Variants in SLC25A26 observed in about 807,000 individuals in gnomAD.
SLC25A26 encodes mitochondrial S-adenosylmethionine carrier protein.
Under a neutral mutation model 37.8 loss-of-function variants are expected in SLC25A26, and 36 were observed. The observed-to-expected ratio is 0.95, with a 90% CI of 0.73 to 1.26. The LOEUF is 1.26. Among genes scored for constraint, SLC25A26 ranks in the 50% most tolerant of loss-of-function variants. The pLI, the probability that SLC25A26 is intolerant of heterozygous loss-of-function variation, is 0.00. For missense variants in SLC25A26, 390 were observed against 331.1 expected (o/e 1.18, Z -1.38); for synonymous variants, 129 against 122.5 (o/e 1.05, Z -0.35).
chr3:66,239,822 T>TC (rs201887904), intron 2 of SLC25A26, among the ~76,000 whole-genome samples: 7 of 132,982 alleles, frequency 5.3e-5, no homozygotes, highest in Admixed American at 7.2e-5. Context: ...CTTTCTTTTT[T>TC]TTTTTTTTTT....
chr3:66,225,517 G>A (rs896436354), intron 1 of SLC25A26, among the ~76,000 whole-genome samples: 2 of 152,180 alleles, frequency 1.3e-5, no homozygotes, highest in African/African-American at 4.8e-5. Flanking sequence ...GGCCTCCAGA[G>A]CCTGTGATGG....
Position 66,236,571 on chromosome 3 carries a change from G to A in SLC25A26, c.61G>A (p.Asp21Asn), listed in dbSNP as rs1295765803. The A allele has an allele frequency of 6.8e-7, 1 of 1,459,980 alleles. No homozygotes were observed. The highest frequency in any genetic ancestry group is 2.0e-5 in the Admixed American group (1 of 49,138). The allele number at this position is 1,459,980 out of a possible 1,614,324, so 90.4% of individuals were successfully genotyped here. Residue 21 changes from aspartate (D) to asparagine (N), a missense_variant, in exon 2 of 10, where the codon GAC becomes AAC. Asp to Asn is a conservative substitution (Grantham distance 23). Transcript: ENST00000354883. ...TGGTGGGGTAGCAGGTGTTTCTGTTGACTTGATATTATTTCCTCTGGATAC... is the reference window on the plus strand; with the variant it reads ...TGGTGGGGTAGCAGGTGTTTCTGTTAACTTGATATTATTTCCTCTGGATAC... ...VAGGVAGVSV[D>N]LILFPLDTIK... is the part of the protein sequence containing the mutation.
intron 1 of SLC25A26, among the ~76,000 whole-genome samples, chr3:66,135,089 G>C (rs28685684): frequency 0.45 from 68,187 of 151,866 alleles, 16,092 homozygotes; most frequent in African/African-American, 0.59. Flanking sequence ...CTTTGGCCTC[G>C]CAAAGAGCTG....
intron 5 of SLC25A26, among the ~76,000 whole-genome samples, chr3:66,314,151 C>G (rs1318456907): frequency 1.3e-5 from 2 of 152,136 alleles, no homozygotes; most frequent in Admixed American, 6.5e-5. Context: ...ACTTCCAATA[C>G]TATGTTGAAT....
intron 3 of SLC25A26, among the ~76,000 whole-genome samples, chr3:66,246,174 T>G (rs190594413): frequency 2.8e-4 from 43 of 152,298 alleles, no homozygotes; most frequent in African/African-American, 9.4e-4. Context: ...TTAATTTAGG[T>G]GATTATGTCC....
At position 66,288,023 on chromosome 3, in the gene SLC25A26, G is replaced by A. The variant is rs117016080; in HGVS notation, c.453+24644G>A. Among the ~76,000 whole-genome samples, 462 of 152,248 alleles carry A rather than the reference G, an allele frequency of 3.0e-3. 3 individuals are homozygous for A. Among genetic ancestry groups the A allele is most frequent in the East Asian group, 0.017 (88 of 5,180 alleles). On this transcript the variant is annotated intron_variant, in intron 5 of 9. Transcript: ENST00000354883. The stretch of plus-strand genomic sequence containing the variant: ...GAAAACATTTATAGAGTAAGTGTAG[G>A]GTACAGAGGTGTAGAATTAGCCATG...
rs144373963 is a variant in SLC25A26 at position 66,144,421 on chromosome 3, A to T, written c.-354+10437A>T. Among the ~76,000 whole-genome samples, 190 of 152,316 alleles carry T rather than the reference A, an allele frequency of 1.2e-3. No individual in the cohort carries two copies. The East Asian group carries it at 0.03, about 24-fold the overall frequency. On this transcript the variant is annotated intron_variant, in intron 1 of 10. Coordinates refer to the SLC25A26 transcript ENST00000676754. ...AGACCCGTGGTTGTCAGTGAGCATG[A>T]TATAGCACACTGGTGTTCCCCAAGC...
At chr3:66,250,473 G>A (rs1404164488) in intron 3 of SLC25A26, among the ~76,000 whole-genome samples, 1 of 152,190 alleles carries the variant, frequency 6.6e-6, no homozygotes, top group Non-Finnish European at 1.5e-5. Flanking sequence ...CTGTATTTCA[G>A]ATTTTGCATT....
chr3:66,180,581 G>A (rs986651542), intron 1 of SLC25A26, among the ~76,000 whole-genome samples: 6 of 152,152 alleles, frequency 3.9e-5, no homozygotes, highest in African/African-American at 1.4e-4. Flanking sequence ...AACTTGCTTC[G>A]TTCCTTCACA....
intron 5 of SLC25A26, among the ~76,000 whole-genome samples, chr3:66,340,436 GT>G (rs893493244): frequency 6.6e-6 from 1 of 152,006 alleles, no homozygotes; most frequent in East Asian, 1.9e-4. Flanking sequence ...TTTTTCTAAA[GT>G]TTTTTTTCTT....
chr3:66,221,052 C>T lies in SLC25A26; in HGVS notation c.-43C>T, dbSNP rs1416740417. On this transcript the variant is annotated 5_prime_UTR_variant, in exon 1 of 10. Transcript: ENST00000354883. ...CAGCGCGCGAGGACGTGATCCGCTT[C>T]TGCTCCGGCTTGGATTGTAGCCTTG... 6.5e-6 allele frequency: 10 copies of T among 1,535,348 alleles called. No individual in the cohort carries two copies. The highest frequency in any genetic ancestry group is 7.0e-6 in the Non-Finnish European group (8 of 1,145,642).
intron 9 of SLC25A26, among the ~76,000 whole-genome samples, chr3:66,377,219 A>C (rs1258859590): frequency 1.3e-5 from 2 of 152,188 alleles, no homozygotes; most frequent in African/African-American, 2.4e-5. Flanking sequence ...TGCCCCCTTC[A>C]CAGCCACAGC....
At chr3:66,209,901 TATATATATATATA>T (rs2071258430) in intron 1 of SLC25A26, among the ~76,000 whole-genome samples, 2 of 14,484 alleles carry the variant, frequency 1.4e-4, no homozygotes, top group Non-Finnish European at 2.7e-4. Context: ...TCTCTATTTA[TATATATATATATA>T]TATATATATA....
intron 3 of SLC25A26, among the ~76,000 whole-genome samples, chr3:66,245,266 A>AAC (rs908451426): frequency 1.9e-4 from 29 of 150,188 alleles, no homozygotes; most frequent in Non-Finnish European, 3.7e-4. Flanking sequence ...AAAAAAAAAA[A>AAC]ACAAAACCTC....
At chr3:66,195,681 T>TAC (rs1485595377) in intron 1 of SLC25A26, among the ~76,000 whole-genome samples, 4 of 152,178 alleles carry the variant, frequency 2.6e-5, no homozygotes, top group Non-Finnish European at 5.9e-5. Flanking sequence ...AGGGGTGTAT[T>TAC]ACAGTAGGTG....
At chr3:66,189,007 C>T (rs1233393300) in intron 1 of SLC25A26, among the ~76,000 whole-genome samples, 1 of 152,030 alleles carries the variant, frequency 6.6e-6, no homozygotes, top group Admixed American at 6.6e-5. Flanking sequence ...TTCCTCATCC[C>T]AACTCACATC....
chr3:66,279,104 G>A (rs998601219), intron 5 of SLC25A26, among the ~76,000 whole-genome samples: 16 of 152,214 alleles, frequency 1.1e-4, no homozygotes, highest in Admixed American at 1.3e-4. Flanking sequence ...AACATTTGGG[G>A]CATGAGCTTG....
At chr3:66,207,258 AAGCTAC>A (rs2071193561) in intron 1 of SLC25A26, among the ~76,000 whole-genome samples, 1 of 152,050 alleles carries the variant, frequency 6.6e-6, no homozygotes, top group Non-Finnish European at 1.5e-5. Flanking sequence ...TAACACAGAG[AAGCTAC>A]AGCCTCAGTT....
At chr3:66,213,861 C>T (rs2071321576) in intron 1 of SLC25A26, among the ~76,000 whole-genome samples, 1 of 152,014 alleles carries the variant, frequency 6.6e-6, no homozygotes, top group Non-Finnish European at 1.5e-5. Context: ...ACCCAGGAGG[C>T]AGAGGTTGCA....
Sources: allele counts gnomAD v4.1 joint callset (sites outside exome capture counted in the v4.1 genomes callset), GRCh38; gene constraint gnomAD v4.1.1; transcripts MANE v1.5; gene names NCBI Gene and HGNC (gene_info 2026-07-23, HGNC 2026-07-21).